HEPACAM2: variants seen among roughly 807,000 people sequenced by gnomAD.
The protein encoded by HEPACAM2 is mitotic kinetics regulator.
Under a neutral mutation model 49.6 loss-of-function variants are expected in HEPACAM2, and 49 were observed. That is an observed-to-expected ratio of 0.99 (90% CI 0.78 to 1.25). The LOEUF (loss-of-function observed/expected upper bound fraction) is 1.25, where lower values mean the gene tolerates loss of function less well. HEPACAM2 is among the 50% of genes most tolerant of loss of function. The pLI, the probability that HEPACAM2 is intolerant of heterozygous loss-of-function variation, is 0.00. For missense variants in HEPACAM2, 525 were observed against 557.2 expected, an observed-to-expected ratio of 0.94 and a Z score of 0.58; for synonymous variants, 197 against 202.9, an observed-to-expected ratio of 0.97 and a Z score of 0.25.
Position 93,208,854 on chromosome 7 carries a change from C to G in HEPACAM2, c.738G>C (p.Val246=). The G allele has an allele frequency of 6.2e-7, 1 of 1,606,678 alleles. No homozygotes were observed. Residue 246 remains valine (V), a synonymous_variant, in exon 4 of 10, where the codon GTG becomes GTC. Transcript: ENST00000394468. ...CTACTTTTAGCCCTTTATCAGAATTCACTTGAAGTCCATAAGGTCCATCTG... is the reference window on the plus strand; with the variant it reads ...CTACTTTTAGCCCTTTATCAGAATTGACTTGAAGTCCATAAGGTCCATCTG... The part of the protein sequence containing the change: ...IIYYGPYGLQ[V]NSDKGLKVGE...
In HEPACAM2 at chr7:93,195,916, A is replaced by C. The variant is rs769326732; in HGVS notation, c.1202-15T>G. The C allele has an allele frequency of 1.9e-6, 3 of 1,583,934 alleles. No homozygotes were observed. The South Asian group carries it at 3.3e-5, about 18-fold the overall frequency. On this transcript the variant is annotated splice_polypyrimidine_tract_variant and intron_variant, in intron 7 of 9. Coordinates refer to ENST00000394468, the MANE Select transcript of HEPACAM2 (RefSeq NM_001039372.4). ...ATCTTCATGGCCTGAAATGTAAAAC[A>C]AATACTGCTTACAAACCGAATGCCT...
chr7:93,194,921 C>CTTTTTTTTTTTTTT lies in HEPACAM2; in HGVS notation c.1275+893_1275+906dup, dbSNP rs80158728. ...AGAAAAACTGATTACTTTAAAAGAT[C>CTTTTTTTTTTTTTT]TTTTTTTTTTTTTTTTTTCCGGACT... On this transcript the variant is annotated intron_variant, in intron 8 of 9. Transcript: ENST00000394468. Among the ~76,000 whole-genome samples the CTTTTTTTTTTTTTT allele has an allele frequency of 4.5e-4, 53 of 118,170 alleles. 1 individual carries two copies. Among genetic ancestry groups the CTTTTTTTTTTTTTT allele is most frequent in the East Asian group, 1.4e-3 (5 of 3,486 alleles). 77.5% of individuals were successfully genotyped at this position (118,170 alleles called of 152,430 possible). A position where few individuals can be genotyped will look rare whatever the true frequency, so the allele number is the denominator to read the frequency against.
chr7:93,197,265 A>G lies in HEPACAM2; in HGVS notation c.1177T>C (p.Tyr393His). The change falls in exon 7 of 10, where the codon TAC becomes CAC. Residue 393 changes from tyrosine (Y) to histidine (H), a missense_variant. Transcript: ENST00000394468. The stretch of plus-strand genomic sequence containing the variant: ...CCTGAAAATGTTTGAGCTTTCCTGT[A>G]TTCTGTTTCTGGCCTGAAAAGACAA... ...QKLEGRPETE[Y>H]RKAQTFSGHE... The G allele has an allele frequency of 6.2e-7, 1 of 1,611,322 alleles. No individual in the cohort carries two copies. The highest frequency in any genetic ancestry group is 8.5e-7 in the Non-Finnish European group (1 of 1,178,652).
chr7:93,225,725 A>C (rs570027215), intron 1 of HEPACAM2, among the ~76,000 whole-genome samples: 12 of 152,266 alleles, frequency 7.9e-5, no homozygotes, highest in Admixed American at 5.2e-4. Context: ...CTCAAAAGAT[A>C]AAGAGGAGAA....
chr7:93,205,286 A>C (rs1793999905), intron 4 of HEPACAM2, among the ~76,000 whole-genome samples: 1 of 152,094 alleles, frequency 6.6e-6, no homozygotes, highest in South Asian at 2.1e-4. Flanking sequence ...TAGTCTTAGA[A>C]AGAGAAAAAC....
At chr7:93,206,410 C>T (rs1019153980) in intron 4 of HEPACAM2, among the ~76,000 whole-genome samples, 2 of 151,974 alleles carry the variant, frequency 1.3e-5, no homozygotes, top group Admixed American at 6.6e-5. Context: ...ATTCTTAGTG[C>T]GTACTCCAAT....
At chr7:93,194,887 T>C (rs1304148674) in intron 8 of HEPACAM2, among the ~76,000 whole-genome samples, 1 of 145,056 alleles carries the variant, frequency 6.9e-6, no homozygotes, top group South Asian at 2.2e-4. Flanking sequence ...ACATTCTGCA[T>C]GTCTGTTAAG....
the HEPACAM2 span, among the ~76,000 whole-genome samples, chr7:93,232,188 G>C: frequency 4.6e-5 from 7 of 152,154 alleles, no homozygotes; most frequent in Non-Finnish European, 2.9e-5. Context: ...CGATCGCAGT[G>C]GTCGCTCTGA....
chr7:93,227,965 TA>T (rs1241226991), upstream of HEPACAM2, among the ~76,000 whole-genome samples: 4 of 152,162 alleles, frequency 2.6e-5, no homozygotes, highest in African/African-American at 7.2e-5. Context: ...AGTTGATGCG[TA>T]AGAAATACAA....
chr7:93,213,907 C>A (rs1366142756), intron 3 of HEPACAM2, among the ~76,000 whole-genome samples: 1 of 151,976 alleles, frequency 6.6e-6, no homozygotes, highest in Non-Finnish European at 1.5e-5. Flanking sequence ...TAACACCAAC[C>A]AAGGCACATA....
Position 93,215,551 on chromosome 7 carries a change from C to G in HEPACAM2, c.565G>C (p.Val189Leu), listed in dbSNP as rs1405301126. 1 of 1,613,692 alleles carries G rather than the reference C, an allele frequency of 6.2e-7. No homozygotes were observed. Among genetic ancestry groups the G allele is most frequent in the South Asian group, 1.1e-5 (1 of 91,084 alleles). The change falls in exon 3 of 10, where the codon GTC (valine) becomes CTC (leucine). Residue 189 changes from valine (V) to leucine (L), a missense_variant. Coordinates refer to ENST00000394468, the MANE Select transcript of HEPACAM2 (RefSeq NM_001039372.4). Reference protein sequence around the residue: ...AYQWLKNGRPVHTSSTYSFSP... With the variant: ...AYQWLKNGRPLHTSSTYSFSP... ...AAGGAGTAGGTGGAGCTGGTGTGGA[C>G]AGGTCTCCCATTTTTTAGCCATTGG...
intron 1 of HEPACAM2, 94 bp downstream of exon 1, chr7:93,226,274 C>T (rs1280077902): frequency 4.9e-6 from 4 of 821,698 alleles, no homozygotes; most frequent in Non-Finnish European, 8.0e-6. Flanking sequence ...TATCTGAATG[C>T]ATCTACAGCC....
At chr7:93,194,409 C>G (rs888606580) in intron 8 of HEPACAM2, among the ~76,000 whole-genome samples, 1 of 152,114 alleles carries the variant, frequency 6.6e-6, no homozygotes, top group Non-Finnish European at 1.5e-5. Flanking sequence ...TTTCTACCAT[C>G]GTGAGAAGCT....
At chr7:93,227,916 C>G (rs1459732543), upstream of HEPACAM2, among the ~76,000 whole-genome samples, 1 of 152,102 alleles carries the variant, frequency 6.6e-6, no homozygotes, top group African/African-American at 2.4e-5. Flanking sequence ...CTCCAGAAAA[C>G]AAAACTCTAA....
intron 3 of HEPACAM2, among the ~76,000 whole-genome samples, chr7:93,213,012 C>T (rs529703644): frequency 6.6e-6 from 1 of 152,170 alleles, no homozygotes; most frequent in East Asian, 1.9e-4. Flanking sequence ...TGTAAAATCA[C>T]ATATCATCTG....
chr7:93,202,044 A>AAAAACCAAAAAAAAAAC (rs1793906126), intron 4 of HEPACAM2, among the ~76,000 whole-genome samples: 2 of 147,770 alleles, frequency 1.4e-5, no homozygotes, highest in East Asian at 4.0e-4. Context: ...AAAAAAAAAA[A>AAAAACCAAAAAAAAAAC]AAAAACCACA....
intron 4 of HEPACAM2, among the ~76,000 whole-genome samples, chr7:93,200,279 T>A: frequency 6.6e-6 from 1 of 152,238 alleles, no homozygotes; most frequent in East Asian, 1.9e-4. Context: ...GAAGAATTTA[T>A]CTAATTCATC....
intron 8 of HEPACAM2, among the ~76,000 whole-genome samples, chr7:93,193,784 T>A (rs1452591418): frequency 6.6e-6 from 1 of 152,162 alleles, no homozygotes; most frequent in Non-Finnish European, 1.5e-5. Flanking sequence ...TTAATTTATT[T>A]CCCTTCTCAA....
rs1276404525 is a variant in HEPACAM2 at position 93,219,466 on chromosome 7, A to G, written c.80-15T>C. 1 of 1,613,426 alleles carries G rather than the reference A, an allele frequency of 6.2e-7. No homozygotes were observed. Among genetic ancestry groups the G allele is most frequent in the Non-Finnish European group, 8.5e-7 (1 of 1,179,890 alleles). On this transcript the variant is annotated splice_polypyrimidine_tract_variant and intron_variant, in intron 1 of 9. Transcript: ENST00000394468. ...CGAGCAAGCACCTGTTGCAAAGGAAAGGAAAGTTGTGAAGACCTTGAGCCA... is the reference window on the plus strand; with the variant it reads ...CGAGCAAGCACCTGTTGCAAAGGAAGGGAAAGTTGTGAAGACCTTGAGCCA...
Sources: gnomAD v4.1 joint callset for allele counts (sites outside exome capture counted in the v4.1 genomes callset) on GRCh38, gnomAD v4.1.1 for gene constraint, MANE v1.5 for transcripts, NCBI Gene and HGNC (gene_info 2026-07-23, HGNC 2026-07-21) for gene names.